Variants in WIZ observed in about 807,000 individuals in gnomAD.
The protein encoded by WIZ is protein Wiz.
In WIZ, 25 loss-of-function variants were observed where a neutral mutation model predicts 140.2. The observed-to-expected ratio is 0.18, with a 90% confidence interval of 0.13 to 0.25. The LOEUF (loss-of-function observed/expected upper bound fraction) is 0.25, where lower values mean the gene tolerates loss of function less well. Among genes scored for constraint, WIZ ranks in the 10% least tolerant of loss-of-function variants. WIZ has a pLI of 1.00. For missense variants in WIZ, 2,231 were observed against 2,632.6 expected, an observed-to-expected ratio of 0.85 and a Z score of 3.34; for synonymous variants, 1,125 against 1,154.3, an observed-to-expected ratio of 0.97 and a Z score of 0.51.
In WIZ at chr19:15,440,075, C is replaced by T; in HGVS notation, c.919G>A (p.Asp307Asn). 6.5e-7 allele frequency: 1 copy of T among 1,535,714 alleles called. No homozygotes were observed. The highest frequency in any genetic ancestry group is 2.4e-5 in the East Asian group (1 of 40,882). ...VAEGVASPDEDEDEEPAVFPC... is the reference protein window; with the variant it reads ...VAEGVASPDENEDEEPAVFPC... ...AACACGGCCGGCTCCTCGTCCTCGT[C>T]CTCATCTGGGCTGGCCACCCCTTCG... The change falls in exon 4 of 13, where the codon GAC becomes AAC. Residue 307 changes from aspartate to asparagine, a missense_variant. By Grantham distance (23) the Asp-to-Asn change is conservative (BLOSUM62 1). Around this residue, in one of 15 missense-constraint regions of WIZ, gnomAD observed 307 missense variants for 294.1 expected, o/e 1.04. Coordinates refer to ENST00000673675, the MANE Select transcript of WIZ (RefSeq NM_001371589.1). This position sits in a 1 kb window ranked among gnomAD's most constrained non-coding sequence, Gnocchi z 6.2.
Position 15,437,032 on chromosome 19 carries a change from G to C in WIZ, c.2514C>G (p.Ala838=), listed in dbSNP as rs768723226. 4 of 1,613,772 alleles carry C rather than the reference G, an allele frequency of 2.5e-6. No homozygotes were observed. The East Asian group carries it at 8.9e-5, about 36-fold the overall frequency. The part of the protein sequence containing the change: ...TRAGLSSHAR[A]HLRDFGITNW... ...TGGTGATACCGAAGTCACGTAGGTG[G>C]GCCCGGGCGTGGCTGGAGAGGCCGG... is the stretch of plus-strand genomic sequence containing the variant. Residue 838 remains alanine (A), a synonymous_variant, in exon 5 of 13, where the codon GCC becomes GCG. Coordinates refer to ENST00000673675, the MANE Select transcript of WIZ (RefSeq NM_001371589.1).
Position 15,427,054 on chromosome 19 carries a change from G to C in WIZ, c.4294C>G (p.Leu1432Val). ...EIKREMLPGA[L>V]HGELHPSEGP... is the part of the protein sequence containing the mutation. ...TCAGATGGGTGCAGTTCCCCATGAA[G>C]GGCCCCCGGCAGCATCTCCCGCTTG... Residue 1432 changes from leucine (L) to valine (V), a missense_variant, in exon 9 of 13, where the codon CTT (leucine) becomes GTT (valine). Physicochemically the swap from Leu to Val is conservative, Grantham distance 32 (BLOSUM62 1). This residue lies in a region of WIZ where 393 missense variants were observed against 451.7 expected (regional missense o/e 0.87). Coordinates refer to ENST00000673675, the MANE Select transcript of WIZ (RefSeq NM_001371589.1). This position sits in a 1 kb window ranked among gnomAD's most constrained non-coding sequence, Gnocchi z 6.4. 6.2e-7 allele frequency: 1 copy of C among 1,614,178 alleles called. No individual in the cohort carries two copies. Among genetic ancestry groups the C allele is most frequent in the Non-Finnish European group, 8.5e-7 (1 of 1,180,022 alleles).
rs1405958561 is a variant in WIZ, at chr19:15,428,087, G to T, written c.3814+23C>A. On this transcript the variant is annotated intron_variant, in intron 8 of 12. Transcript: ENST00000673675. The surrounding 1 kb of genome is among the most constrained non-coding windows in gnomAD (Gnocchi z 6.4). Reference sequence around the variant, plus strand: ...GGCTCCAGGGCCCGCAGTGAGGAGGGGGCAGCTGAAGCGAGAACCTACAGA... The same window carrying T: ...GGCTCCAGGGCCCGCAGTGAGGAGGTGGCAGCTGAAGCGAGAACCTACAGA... 1.3e-6 allele frequency: 2 copies of T among 1,532,786 alleles called. No homozygotes were observed. Among genetic ancestry groups the T allele is most frequent in the Non-Finnish European group, 1.7e-6 (2 of 1,146,288 alleles). 94.9% of individuals were successfully genotyped at this position (1,532,786 alleles called of 1,614,324 possible).
At chr19:15,423,915 G>A (rs557733860) in intron 12 of WIZ, 58 of 408,446 alleles carry the variant, frequency 1.4e-4, no homozygotes, top group African/African-American at 4.1e-4. Flanking sequence ...TTATCAACCC[G>A]CTTTTATGAG....
At chr19:15,437,645 G>C (rs1014807598) in intron 4 of WIZ, among the ~76,000 whole-genome samples, 1 of 152,216 alleles carries the variant, frequency 6.6e-6, no homozygotes, top group Non-Finnish European at 1.5e-5. Context: ...AACAGAGCAA[G>C]ACCCTGTCTC....
chr19:15,434,541 C>T (rs1397688704), intron 5 of WIZ, among the ~76,000 whole-genome samples: 8 of 143,204 alleles, frequency 5.6e-5, no homozygotes, highest in Admixed American at 5.2e-4. Flanking sequence ...CCAGCCTGGG[C>T]GACAGAGCGA....
rs1968903454 is a variant in WIZ at position 15,427,358 on chromosome 19, G to A, written c.3990C>T (p.Thr1330=). 1 of 1,613,740 alleles carries A rather than the reference G, an allele frequency of 6.2e-7. No individual in the cohort carries two copies. The highest frequency in any genetic ancestry group is 2.2e-5 in the East Asian group (1 of 44,868). The change falls in exon 9 of 13, where the codon ACC becomes ACT. Residue 1330 remains threonine, a synonymous_variant. Transcript: ENST00000673675. This position sits in a 1 kb window ranked among gnomAD's most constrained non-coding sequence, Gnocchi z 6.4. ...DTLREILKRR[T]QSRPGGPPNP... The stretch of plus-strand genomic sequence containing the variant: ...TGGGAGGTCCACCAGGCCGAGACTG[G>A]GTCCGTCTCTTCAGGATCTCCCGCA...
chr19:15,420,028 A>T lies in WIZ; in HGVS notation c.*3048T>A, dbSNP rs1470869733. On this transcript the variant is annotated 3_prime_UTR_variant, in exon 13 of 13. Transcript: ENST00000673675. ...ATGCTGTTTCTTTTTGATATTGTTG[A>T]TTTCTTTAGGTGTAATAGTGGCATT... 1 of 152,134 alleles carries T rather than the reference A, an allele frequency of 6.6e-6. No individual in the cohort carries two copies. Among genetic ancestry groups the T allele is most frequent in the Non-Finnish European group, 1.5e-5 (1 of 68,042 alleles). 9.4% of individuals were successfully genotyped at this position (152,134 alleles called of 1,614,324 possible).
chr19:15,434,258 TAA>T (rs969364743), intron 5 of WIZ, among the ~76,000 whole-genome samples: 62 of 67,706 alleles, frequency 9.2e-4, no homozygotes, highest in Non-Finnish European at 8.0e-4. Flanking sequence ...ACTCCATCTT[TAA>T]AAAAAAAAAA....
At position 15,423,211 on chromosome 19, in the gene WIZ, G is replaced by A. The variant is rs1968485754; in HGVS notation, c.5535C>T (p.Gly1845=). 1.2e-6 allele frequency: 2 copies of A among 1,613,702 alleles called. No individual in the cohort carries two copies. The highest frequency in any genetic ancestry group is 8.5e-7 in the Non-Finnish European group (1 of 1,179,918). Reference sequence around the variant, plus strand: ...CCCACTCTTCCTGGATGGAGAGGGGGCCCTGGAATTCCACCTCACAGAACC... The same window carrying A: ...CCCACTCTTCCTGGATGGAGAGGGGACCCTGGAATTCCACCTCACAGAACC... ...KCRFCEVEFQ[G]PLSIQEEWVR... is the part of the protein sequence containing the mutation. Residue 1845 remains glycine (G), a synonymous_variant, in exon 13 of 13, where the codon GGC becomes GGT. Coordinates refer to ENST00000673675, the MANE Select transcript of WIZ (RefSeq NM_001371589.1).
chr19:15,448,916 AC>A (rs1223724384), intron 1 of WIZ, among the ~76,000 whole-genome samples: 1 of 151,118 alleles, frequency 6.6e-6, no homozygotes, highest in East Asian at 1.9e-4. Flanking sequence ...CTTCCCCCAC[AC>A]AGGACCTTAG....
chr19:15,445,536 C>T (rs1297533545), intron 2 of WIZ, among the ~76,000 whole-genome samples: 3 of 152,256 alleles, frequency 2.0e-5, no homozygotes, highest in Non-Finnish European at 4.4e-5. Flanking sequence ...TGAGGCTAGA[C>T]CCCAGAGCCT....
Position 15,439,786 on chromosome 19 carries a change from C to A in WIZ, c.1208G>T (p.Cys403Phe). 6.6e-7 allele frequency: 1 copy of A among 1,504,664 alleles called. No individual in the cohort carries two copies. 93.2% of individuals were successfully genotyped at this position (1,504,664 alleles called of 1,614,324 possible). A position where few individuals can be genotyped will look rare whatever the true frequency, so the allele number is the denominator to read the frequency against. ...GDEGREARLQ[C>F]PKCVFGTNSS... ...ATTGGTGCCAAAGACACACTTAGGG[C>A]ACTGCAGCCGTGCCTCCCGGCCCTC... Residue 403 changes from cysteine (C) to phenylalanine (F), a missense_variant, in exon 4 of 13, where the codon TGC (cysteine) becomes TTC (phenylalanine). Coordinates refer to ENST00000673675, the MANE Select transcript of WIZ (RefSeq NM_001371589.1). The surrounding 1 kb of genome is among the most constrained non-coding windows in gnomAD (Gnocchi z 7.0).
rs529538045 is a variant in WIZ at position 15,438,287 on chromosome 19, A to G, written c.2416+291T>C. ...CACTGCTGTGTCCCCAGGTCCCCAGAACAGAGGGGAACCTTGCTCAGTAAA... is the reference window on the plus strand; with the variant it reads ...CACTGCTGTGTCCCCAGGTCCCCAGGACAGAGGGGAACCTTGCTCAGTAAA... On this transcript the variant is annotated intron_variant, in intron 4 of 12. Transcript: ENST00000673675. Among the ~76,000 whole-genome samples, 6 of 152,318 alleles carry G rather than the reference A, an allele frequency of 3.9e-5. No homozygotes were observed. The East Asian group carries it at 1.2e-3, about 29-fold the overall frequency.
intron 5 of WIZ, among the ~76,000 whole-genome samples, chr19:15,434,654 A>C (rs1969452984): frequency 6.6e-6 from 1 of 151,340 alleles, no homozygotes; most frequent in African/African-American, 2.4e-5. Flanking sequence ...CAGGGGCGAT[A>C]CCCCCTGTTC....
Position 15,442,123 on chromosome 19 carries a change from G to A in WIZ, c.278+553C>T, listed in dbSNP as rs145048817. On this transcript the variant is annotated intron_variant, in intron 3 of 12. Transcript: ENST00000673675. The surrounding 1 kb of genome is among the most constrained non-coding windows in gnomAD (Gnocchi z 5.5). The stretch of plus-strand genomic sequence containing the variant: ...AATCGCTTGAACCCAGGAGGTGGAG[G>A]TTGCAGTGAGCCAAGATCACGCCAC... Among the ~76,000 whole-genome samples the A allele has an allele frequency of 0.024, 3,591 of 151,896 alleles. 140 individuals carry two copies. The highest frequency in any genetic ancestry group is 0.083 in the African/African-American group (3,439 of 41,392).
At chr19:15,436,594 G>A (rs551128716) in intron 5 of WIZ, 247 of 515,150 alleles carry the variant, frequency 4.8e-4, no homozygotes, top group South Asian at 1.3e-3. Flanking sequence ...TGAAAAACTG[G>A]ATCCAGAAAG....
At position 15,428,000 on chromosome 19, in the gene WIZ, C is replaced by A; in HGVS notation, c.3814+110G>T. The A allele has an allele frequency of 7.0e-7, 1 of 1,433,044 alleles. No homozygotes were observed. Among genetic ancestry groups the A allele is most frequent in the Non-Finnish European group, 9.2e-7 (1 of 1,089,944 alleles). 88.8% of individuals were successfully genotyped at this position (1,433,044 alleles called of 1,614,324 possible). ...TCTCTGGGCAGAACCGGCCCACTGC[C>A]AAGGGCCCCTGTCTACTCCCTGCCC... On this transcript the variant is annotated intron_variant, in intron 8 of 12. Coordinates refer to ENST00000673675, the MANE Select transcript of WIZ (RefSeq NM_001371589.1). This position sits in a 1 kb window ranked among gnomAD's most constrained non-coding sequence, Gnocchi z 6.4.
chr19:15,432,353 G>T, intron 5 of WIZ: 1 of 826,094 alleles, frequency 1.2e-6, no homozygotes, highest in Non-Finnish European at 1.5e-6. Flanking sequence ...CAGACTGGAC[G>T]GAAGGCGTCG....
Sources: gnomAD v4.1 joint callset for allele counts (sites outside exome capture counted in the v4.1 genomes callset) on GRCh38, gnomAD v4.1.1 for gene constraint, gnomAD v4.1.1 regional missense constraint, Gnocchi (gnomAD v3.1) non-coding constraint, MANE v1.5 for transcripts, NCBI Gene and HGNC (gene_info 2026-07-23, HGNC 2026-07-21) for gene names.